Variants in FHAD1 observed in about 807,000 individuals in gnomAD.
The protein encoded by FHAD1 is forkhead-associated domain-containing protein 1.
FHAD1 carries 146 observed loss-of-function variants against 191.3 expected under a neutral mutation model. The observed-to-expected ratio is 0.76, with a 90% CI of 0.67 to 0.88. FHAD1 has a LOEUF of 0.88. Among genes scored for constraint, FHAD1 ranks in the 40% least tolerant of loss-of-function variants. The pLI is 0.00. For synonymous variants in FHAD1, 616 were observed against 672.3 expected (o/e 0.92, Z 1.29); for missense variants, 1,635 against 1,785.8 (o/e 0.92, Z 1.52).
In FHAD1 at chr1:15,329,393, C is replaced by T. The variant is rs1262612408; in HGVS notation, c.1758C>T (p.Val586=). ...GCAGCCATGACCTGAAGAAGGAGGT[C>T]GACCTTCTTCAGCACCTCCAGGTGA... ...SCCSHDLKKE[V]DLLQHLQVSP... is the part of the protein sequence containing the mutation. The change falls in exon 14 of 34, where the codon GTC becomes GTT. Residue 586 remains valine, a synonymous_variant. Transcript: ENST00000688493. This position sits in a 1 kb window ranked among gnomAD's most constrained non-coding sequence, Gnocchi z 5.0. 18 of 1,550,832 alleles carry T rather than the reference C, an allele frequency of 1.2e-5. No individual in the cohort carries two copies. The highest frequency in any genetic ancestry group is 2.0e-5 in the Admixed American group (1 of 50,976).
chr1:15,255,035 C>A (rs1329037425), intron 2 of FHAD1, among the ~76,000 whole-genome samples: 2 of 151,582 alleles, frequency 1.3e-5, no homozygotes, highest in Non-Finnish European at 2.9e-5. Flanking sequence ...TAGAAGCCAC[C>A]CCGAGTAATA....
chr1:15,366,386 C>T (rs893098523), intron 24 of FHAD1, among the ~76,000 whole-genome samples: 4 of 151,846 alleles, frequency 2.6e-5, no homozygotes, highest in African/African-American at 4.8e-5. Context: ...CAGCAAAAGC[C>T]GTATCCTGGA....
At chr1:15,397,191 A>C (rs1010284966) in intron 33 of FHAD1, 106 bp from the exon 34 acceptor site, 5 of 309,388 alleles carry the variant, frequency 1.6e-5, no homozygotes, top group African/African-American at 8.9e-5. Context: ...ACTCCGTCTC[A>C]AAAAAAAAAA....
intron 3 of FHAD1, among the ~76,000 whole-genome samples, chr1:15,275,895 G>T (rs941149583): frequency 2.0e-5 from 3 of 152,184 alleles, no homozygotes; most frequent in African/African-American, 7.2e-5. Context: ...GTAAGGCTTA[G>T]CTGTTCTTTT....
chr1:15,369,162 A>T (rs183030199), intron 25 of FHAD1, among the ~76,000 whole-genome samples: 3 of 152,348 alleles, frequency 2.0e-5, no homozygotes, highest in African/African-American at 7.2e-5. Flanking sequence ...GCCCCCGTGC[A>T]GGAACCAAGG....
chr1:15,282,822 A>G (rs1236441260), intron 3 of FHAD1, among the ~76,000 whole-genome samples: 1 of 152,230 alleles, frequency 6.6e-6, no homozygotes, highest in Non-Finnish European at 1.5e-5. Flanking sequence ...GATTTGTAAC[A>G]TTCCCTGATT....
intron 10 of FHAD1, among the ~76,000 whole-genome samples, chr1:15,323,354 G>T (rs955021333): frequency 6.6e-6 from 1 of 152,206 alleles, no homozygotes; most frequent in African/African-American, 2.4e-5. Context: ...CTCTGCTTTC[G>T]CAGCATTTGA....
At position 15,340,901 on chromosome 1, in the gene FHAD1, G is replaced by A. The variant is rs569185842; in HGVS notation, c.1978-835G>A. Among the ~76,000 whole-genome samples the A allele has an allele frequency of 5.3e-5, 8 of 152,276 alleles. No individual in the cohort carries two copies. In the South Asian group the frequency reaches 1.0e-3, roughly 20 times the overall value. ...ACTGTTCCAATAAAACTTTATTTAC[G>A]GCGGGCACGGTGGCTCATGCCTGTA... On this transcript the variant is annotated intron_variant, in intron 15 of 33. Transcript: ENST00000688493.
intron 26 of FHAD1, among the ~76,000 whole-genome samples, chr1:15,370,205 G>A (rs974777825): frequency 6.6e-6 from 1 of 151,768 alleles, no homozygotes; most frequent in Non-Finnish European, 1.5e-5. Flanking sequence ...TTGAATTCCC[G>A]GACTCAAGAG....
chr1:15,352,716 C>T (rs566834512), intron 19 of FHAD1, among the ~76,000 whole-genome samples, 161 bp from the exon 20 acceptor site: 5 of 152,164 alleles, frequency 3.3e-5, no homozygotes, highest in South Asian at 4.2e-4. Context: ...GGTGGGCATG[C>T]CATGGTTCTC....
At chr1:15,321,466 A>C (rs976771574) in intron 10 of FHAD1, among the ~76,000 whole-genome samples, 4 of 152,248 alleles carry the variant, frequency 2.6e-5, no homozygotes, top group Non-Finnish European at 4.4e-5. Context: ...TCTTCTTAAC[A>C]CAATGACTTA....
At position 15,276,905 on chromosome 1, in the gene FHAD1, G is replaced by A. The variant is rs959115263; in HGVS notation, c.300+4376G>A. 6.6e-6 allele frequency among the ~76,000 whole-genome samples: 1 copy of A among 150,738 alleles called. No homozygotes were observed. The highest frequency in any genetic ancestry group is 1.5e-5 in the Non-Finnish European group (1 of 67,614). ...GAGTTGTGCGAGGCATAACCTACAGGGCCATTTGCGATGCCCTGAAGCAAC... is the reference window on the plus strand; with the variant it reads ...GAGTTGTGCGAGGCATAACCTACAGAGCCATTTGCGATGCCCTGAAGCAAC... On this transcript the variant is annotated intron_variant, in intron 3 of 33. Coordinates refer to ENST00000688493, the MANE Select transcript of FHAD1 (RefSeq NM_001391957.1). This position sits in a 1 kb window ranked among gnomAD's most constrained non-coding sequence, Gnocchi z 4.7.
chr1:15,290,860 C>A (rs1234382597), intron 4 of FHAD1, among the ~76,000 whole-genome samples: 1 of 151,966 alleles, frequency 6.6e-6, no homozygotes. Context: ...AGGCTCCTGC[C>A]ACTATACCCG....
exon 1 of FHAD1, among the ~76,000 whole-genome samples, chr1:15,236,587 C>T (rs746598960): frequency 1.3e-5 from 2 of 152,220 alleles, no homozygotes; most frequent in Non-Finnish European, 1.5e-5. Context: ...CTCTCATCCC[C>T]TTGGGATTCA....
intron 3 of FHAD1, among the ~76,000 whole-genome samples, chr1:15,284,180 C>T (rs1427396507): frequency 6.6e-6 from 1 of 152,172 alleles, no homozygotes; most frequent in African/African-American, 2.4e-5. Context: ...TGGTTCAAAG[C>T]CAAGTGGTAA....
At position 15,327,115 on chromosome 1, in the gene FHAD1, C is replaced by G. The variant is rs1256302749; in HGVS notation, c.1530C>G (p.Phe510Leu). The part of the protein sequence containing the change: ...IKATYGRAKP[F>L]RDKPVTDQQL... ...CCACCTATGGACGGGCGAAGCCGTT[C>G]CGGGACAAGCCCGTCACCGACCAAC... Residue 510 changes from phenylalanine to leucine, a missense_variant, in exon 12 of 34, where the codon TTC (phenylalanine) becomes TTG (leucine). Phe to Leu is a conservative substitution (Grantham distance 22). Transcript: ENST00000688493. This position sits in a 1 kb window ranked among gnomAD's most constrained non-coding sequence, Gnocchi z 5.1. 1 of 1,551,370 alleles carries G rather than the reference C, an allele frequency of 6.4e-7. No individual in the cohort carries two copies. The highest frequency in any genetic ancestry group is 8.7e-7 in the Non-Finnish European group (1 of 1,146,866).
chr1:15,329,460 C>T lies in FHAD1; in HGVS notation c.1825C>T (p.Leu609=). The change falls in exon 14 of 34, where the codon CTG becomes TTG. Residue 609 remains leucine, a synonymous_variant. Coordinates refer to ENST00000688493, the MANE Select transcript of FHAD1 (RefSeq NM_001391957.1). This position sits in a 1 kb window ranked among gnomAD's most constrained non-coding sequence, Gnocchi z 5.0. ...SGLQKVVLDV[L]RHALSWLEEV... ...GCTCCAGAAGGTGGTGCTGGACGTCCTGAGGCACGCGCTGTCCTGGCTGGA... is the reference window on the plus strand; with the variant it reads ...GCTCCAGAAGGTGGTGCTGGACGTCTTGAGGCACGCGCTGTCCTGGCTGGA... 6.4e-7 allele frequency: 1 copy of T among 1,551,296 alleles called. No homozygotes were observed. Among genetic ancestry groups the T allele is most frequent in the South Asian group, 1.2e-5 (1 of 84,060 alleles).
intron 6 of FHAD1, among the ~76,000 whole-genome samples, chr1:15,306,631 A>G (rs1670585978): frequency 6.6e-6 from 1 of 152,186 alleles, no homozygotes; most frequent in Admixed American, 6.5e-5. Context: ...CACTCCAACC[A>G]TGGCTAAAAG....
chr1:15,280,032 G>A (rs1660010432), intron 3 of FHAD1, among the ~76,000 whole-genome samples: 1 of 152,206 alleles, frequency 6.6e-6, no homozygotes, highest in African/African-American at 2.4e-5. Flanking sequence ...GGTCTCCAAG[G>A]AAGTAGCGTG....
Sources: gnomAD v4.1 joint callset for allele counts (sites outside exome capture counted in the v4.1 genomes callset) on GRCh38, gnomAD v4.1.1 for gene constraint, Gnocchi (gnomAD v3.1) non-coding constraint, MANE v1.5 for transcripts, NCBI Gene and HGNC (gene_info 2026-07-23, HGNC 2026-07-21) for gene names.